MLLT10: variants seen among roughly 807,000 people sequenced by gnomAD.
MLLT10 encodes the protein protein AF-10.
A neutral mutation model predicts 129.1 loss-of-function variants in MLLT10; 30 were observed. The observed-to-expected ratio is 0.23, with a 90% CI of 0.17 to 0.32. MLLT10 has a LOEUF of 0.32. Among genes scored for constraint, MLLT10 ranks in the 10% least tolerant of loss-of-function variants. The probability of loss-of-function intolerance (pLI) is 1.00; values close to 1 mark genes in which losing one functional copy is unlikely to be tolerated. For missense variants in MLLT10, 1,119 were observed against 1,268.3 expected (o/e 0.88, Z 1.79); for synonymous variants, 490 against 446.4 (o/e 1.10, Z -1.23).
chr10:21,625,559 C>A, intron 8 of MLLT10: 1 of 773,668 alleles, frequency 1.3e-6, no homozygotes, highest in South Asian at 1.3e-5. Flanking sequence ...GTGATCCTCA[C>A]ATTTAAGGAA....
intron 11 of MLLT10, among the ~76,000 whole-genome samples, chr10:21,677,498 C>T (rs933898693): frequency 6.6e-6 from 1 of 152,170 alleles, no homozygotes; most frequent in African/African-American, 2.4e-5. Context: ...ATAACCTATG[C>T]ACATCTTCCT....
At chr10:21,693,430 T>G (rs985952679) in intron 13 of MLLT10, among the ~76,000 whole-genome samples, 1 of 152,268 alleles carries the variant, frequency 6.6e-6, no homozygotes, top group South Asian at 2.1e-4. Context: ...CCATCTCTTA[T>G]GTTTTCATCA....
Position 21,651,701 on chromosome 10 carries a change from A to G in MLLT10, c.728A>G (p.Gln243Arg). Residue 243 changes from glutamine (Q) to arginine (R), a missense_variant, in exon 9 of 23, where the codon CAG becomes CGG. Transcript: ENST00000307729. ...KKYKEKDKHK[Q>R]KHKKQPEPSP... ...TATAAAGAGAAGGACAAACACAAAC[A>G]GAAACACAAGAAGCAGCCAGAACCA... 1 of 1,613,402 alleles carries G rather than the reference A, an allele frequency of 6.2e-7. No individual in the cohort carries two copies.
At chr10:21,613,286 T>C (rs945023713) in intron 6 of MLLT10, among the ~76,000 whole-genome samples, 1 of 151,010 alleles carries the variant, frequency 6.6e-6, no homozygotes, top group Non-Finnish European at 1.5e-5. Context: ...ACATAATAGG[T>C]AACAGTTCCA....
At chr10:21,616,386 A>G (rs965234228) in intron 7 of MLLT10, among the ~76,000 whole-genome samples, 1 of 152,086 alleles carries the variant, frequency 6.6e-6, no homozygotes, top group African/African-American at 2.4e-5. Context: ...TTACATTTGC[A>G]TGGAATTTGA....
intron 6 of MLLT10, among the ~76,000 whole-genome samples, chr10:21,613,907 A>G (rs1296241264): frequency 6.6e-6 from 1 of 151,262 alleles, no homozygotes; most frequent in African/African-American, 2.4e-5. Flanking sequence ...CTCCATCTAA[A>G]AAAAAAAACA....
At chr10:21,577,921 TC>T (rs2040962335) in intron 3 of MLLT10, among the ~76,000 whole-genome samples, 1 of 152,000 alleles carries the variant, frequency 6.6e-6, no homozygotes, top group African/African-American at 2.4e-5. Context: ...TTAGACAGAG[TC>T]TCACTCTGTT....
intron 13 of MLLT10, among the ~76,000 whole-genome samples, chr10:21,700,835 G>T (rs1201649869): frequency 6.6e-6 from 1 of 152,020 alleles, no homozygotes; most frequent in African/African-American, 2.4e-5. Context: ...TGACTGGTCA[G>T]GGCCTTGTAG....
In MLLT10 at chr10:21,616,629, G is replaced by T. The variant is rs1349242961; in HGVS notation, c.604-483G>T. 2.6e-5 allele frequency among the ~76,000 whole-genome samples: 4 copies of T among 151,932 alleles called. No homozygotes were observed. In the East Asian group the frequency reaches 7.7e-4, roughly 29 times the overall value. ...TTGCTCTATCAAATAAAATGTGCAG[G>T]AATTATTTATTGAACTGCAGAGATA... On this transcript the variant is annotated intron_variant, in intron 7 of 22. Transcript: ENST00000307729.
chr10:21,723,634 C>T (rs1170333261), intron 14 of MLLT10, among the ~76,000 whole-genome samples: 1 of 152,100 alleles, frequency 6.6e-6, no homozygotes, highest in Non-Finnish European at 1.5e-5. Flanking sequence ...CCACCGTATC[C>T]GCATTCTGTA....
At chr10:21,538,784 C>T (rs1253299161) in intron 2 of MLLT10, 49 bp from the exon 3 acceptor site, 2 of 1,403,452 alleles carry the variant, frequency 1.4e-6, no homozygotes, top group South Asian at 2.4e-5. Flanking sequence ...TTTGATTTTT[C>T]CATAGTTCTT....
intron 3 of MLLT10, among the ~76,000 whole-genome samples, chr10:21,582,717 C>T (rs2041603003): frequency 6.6e-6 from 1 of 152,042 alleles, no homozygotes; most frequent in South Asian, 2.1e-4. Context: ...GGGCACAATA[C>T]AGTTATGGAT....
chr10:21,550,823 C>T (rs1051093667), intron 3 of MLLT10, among the ~76,000 whole-genome samples: 10 of 151,694 alleles, frequency 6.6e-5, no homozygotes, highest in African/African-American at 2.4e-4. Context: ...TGAGCTATGG[C>T]GTCCGGCCTT....
chr10:21,555,313 C>T (rs553598527), intron 3 of MLLT10, among the ~76,000 whole-genome samples: 1 of 152,270 alleles, frequency 6.6e-6, no homozygotes, highest in East Asian at 1.9e-4. Flanking sequence ...GTCCCCACCT[C>T]CTGGATTCAA....
At chr10:21,722,499 C>A (rs2057203451) in intron 14 of MLLT10, among the ~76,000 whole-genome samples, 2 of 152,118 alleles carry the variant, frequency 1.3e-5, no homozygotes, top group Admixed American at 1.3e-4. Flanking sequence ...TTTTTTAATA[C>A]AAAAGCTTTC....
intron 13 of MLLT10, among the ~76,000 whole-genome samples, chr10:21,693,398 T>G (rs2054063995): frequency 6.6e-6 from 1 of 152,122 alleles, no homozygotes; most frequent in African/African-American, 2.4e-5. Context: ...CTTATTTTAG[T>G]TTCCTGACCG....
chr10:21,595,135 A>G (rs1029432646), intron 4 of MLLT10, among the ~76,000 whole-genome samples, 196 bp from the exon 5 acceptor site: 1 of 152,230 alleles, frequency 6.6e-6, no homozygotes, highest in Non-Finnish European at 1.5e-5. Flanking sequence ...TAACTGGGGA[A>G]ATGATTAAGA....
At chr10:21,624,563 A>G (rs2046238170) in intron 8 of MLLT10, 1 of 1,271,044 alleles carries the variant, frequency 7.9e-7, no homozygotes, top group Non-Finnish European at 1.1e-6. Context: ...GTATCTTGCC[A>G]TTATCATTTT....
chr10:21,613,217 A>G (rs942245656), intron 6 of MLLT10, among the ~76,000 whole-genome samples: 1 of 151,428 alleles, frequency 6.6e-6, no homozygotes, highest in Admixed American at 6.6e-5. Flanking sequence ...AAAAAAAAAA[A>G]AGATATTCTT....
Sources: gnomAD v4.1 joint callset for allele counts (sites outside exome capture counted in the v4.1 genomes callset) on GRCh38, gnomAD v4.1.1 for gene constraint, MANE v1.5 for transcripts, NCBI Gene and HGNC (gene_info 2026-07-23, HGNC 2026-07-21) for gene names.